Variants in MPPED2 observed in about 807,000 individuals in gnomAD.
MPPED2 encodes the protein metallophosphoesterase MPPED2.
A neutral mutation model predicts 33.0 loss-of-function variants in MPPED2; 5 were observed. That is an observed-to-expected ratio of 0.15 (90% CI 0.08 to 0.32). The LOEUF (loss-of-function observed/expected upper bound fraction) is 0.32, where lower values mean the gene tolerates loss of function less well. Ranked by LOEUF, MPPED2 falls within the 10% of genes least tolerant of loss-of-function variation. The pLI is 1.00. For synonymous variants in MPPED2, 136 were observed against 141.9 expected (o/e 0.96, Z 0.29); for missense variants, 275 against 372.1 (o/e 0.74, Z 2.15).
intron 4 of MPPED2, among the ~76,000 whole-genome samples, chr11:30,470,609 T>C (rs747615094): frequency 6.6e-6 from 1 of 152,198 alleles, no homozygotes. Flanking sequence ...ACATGAATTA[T>C]ATCTCTACAA....
chr11:30,482,943 T>TA (rs1951556284), intron 4 of MPPED2, among the ~76,000 whole-genome samples: 1 of 151,478 alleles, frequency 6.6e-6, no homozygotes, highest in Non-Finnish European at 1.5e-5. Context: ...TAAATACGAA[T>TA]ACCCTCCTTA....
intron 3 of MPPED2, among the ~76,000 whole-genome samples, chr11:30,526,309 C>T (rs1242349679): frequency 6.7e-6 from 1 of 150,164 alleles, no homozygotes; most frequent in Admixed American, 6.7e-5. Context: ...ACGACAAGGA[C>T]AACAATGATG....
At position 30,388,912 on chromosome 11, in the gene MPPED2, A is replaced by AAC. The variant is rs373416159; in HGVS notation, c.809_810dup (p.Ser271ValfsTer20). 1.1e-5 allele frequency: 18 copies of AAC among 1,567,342 alleles called. No individual in the cohort carries two copies. In the African/African-American group the frequency reaches 1.6e-4, roughly 14 times the overall value. ...GACTAGGAAGTTTTTGAAGGCAGAG[A>AAC]ACATATTTTTGTCCTCAGTGCCTTG... On this transcript the variant is annotated frameshift_variant, in exon 7 of 7. Coordinates refer to the MPPED2 transcript ENST00000448418. LOFTEE classifies it low-confidence loss of function (END_TRUNC).
intron 6 of MPPED2, chr11:30,389,100 G>A (rs376651590): frequency 4.0e-6 from 5 of 1,236,448 alleles, no homozygotes; most frequent in African/African-American, 1.5e-5. Context: ...AGGACCAACT[G>A]TGTTAGATTA....
chr11:30,454,574 C>T (rs550026428), intron 4 of MPPED2, among the ~76,000 whole-genome samples: 1 of 151,910 alleles, frequency 6.6e-6, no homozygotes, highest in South Asian at 2.1e-4. Context: ...AAAAAGTTGC[C>T]TGAAATTTGA....
intron 4 of MPPED2, among the ~76,000 whole-genome samples, chr11:30,461,929 T>G (rs1439015141): frequency 6.6e-6 from 1 of 152,218 alleles, no homozygotes; most frequent in African/African-American, 2.4e-5. Flanking sequence ...GAGGCAGAGA[T>G]GCTGGGCACT....
intron 4 of MPPED2, among the ~76,000 whole-genome samples, chr11:30,457,226 G>A (rs1255460489): frequency 6.6e-6 from 1 of 152,094 alleles, no homozygotes; most frequent in Non-Finnish European, 1.5e-5. Context: ...AGAAAAAGTG[G>A]AGACACAATA....
intron 4 of MPPED2, among the ~76,000 whole-genome samples, chr11:30,478,629 T>C (rs958329788): frequency 3.5e-4 from 54 of 152,226 alleles, no homozygotes; most frequent in African/African-American, 1.3e-3. Flanking sequence ...AAACAAATGT[T>C]GTCAGTATCC....
chr11:30,388,952 GT>G lies in MPPED2; in HGVS notation c.770del (p.Asn257ThrfsTer3). The G allele has an allele frequency of 6.4e-7, 1 of 1,561,132 alleles. No individual in the cohort carries two copies. Among genetic ancestry groups the G allele is most frequent in the Admixed American group, 1.9e-5 (1 of 52,152 alleles). On this transcript the variant is annotated frameshift_variant, in exon 7 of 7. Transcript: ENST00000448418. LOFTEE classifies it low-confidence loss of function (END_TRUNC). ...TCAGTGCCTTGGAGATGCTCACAGGGTTTACTAAAGGGGAGAGAGAGAAAGA... is the reference window on the plus strand; with the variant it reads ...TCAGTGCCTTGGAGATGCTCACAGGGTTACTAAAGGGGAGAGAGAGAAAGA...
chr11:30,449,386 C>T (rs754831969), intron 4 of MPPED2, among the ~76,000 whole-genome samples: 10 of 152,326 alleles, frequency 6.6e-5, no homozygotes, highest in Non-Finnish European at 4.4e-5. Flanking sequence ...GTGGCTCACA[C>T]CTGGAATCCC....
intron 3 of MPPED2, among the ~76,000 whole-genome samples, chr11:30,520,355 A>G (rs1953795471): frequency 6.6e-6 from 1 of 152,226 alleles, no homozygotes; most frequent in Non-Finnish European, 1.5e-5. Flanking sequence ...TGGCATTAAC[A>G]CAAATTCCGG....
intron 4 of MPPED2, chr11:30,428,882 T>C (rs1183034735): frequency 1.3e-5 from 2 of 152,224 alleles, no homozygotes; most frequent in East Asian, 3.8e-4. Context: ...TAGATATTAA[T>C]ATCACCAACC....
intron 2 of MPPED2, among the ~76,000 whole-genome samples, chr11:30,559,506 T>A (rs1956140538): frequency 6.6e-6 from 1 of 152,194 alleles, no homozygotes; most frequent in South Asian, 2.1e-4. Context: ...ACTTGCATGA[T>A]GTGTCAATTA....
At chr11:30,569,250 G>A (rs1299091988) in intron 2 of MPPED2, among the ~76,000 whole-genome samples, 4 of 152,040 alleles carry the variant, frequency 2.6e-5, no homozygotes, top group African/African-American at 9.7e-5. Flanking sequence ...TTTCCCTTCC[G>A]AATTCTCAGG....
intron 4 of MPPED2, among the ~76,000 whole-genome samples, chr11:30,436,881 A>G (rs943173022): frequency 1.3e-5 from 2 of 152,180 alleles, no homozygotes; most frequent in African/African-American, 4.8e-5. Flanking sequence ...TATTTTCCAA[A>G]TCAGGCAACT....
intron 6 of MPPED2, among the ~76,000 whole-genome samples, chr11:30,402,368 CTTCT>C (rs1947920436): frequency 6.6e-6 from 1 of 152,136 alleles, no homozygotes; most frequent in South Asian, 2.1e-4. Flanking sequence ...TGAGAAAAGT[CTTCT>C]TTGAGAGTAA....
Position 30,478,053 on chromosome 11 carries a change from C to T in MPPED2, c.536+17243G>A, listed in dbSNP as rs1260269812. ...ATGGGCTGTCTGTCAGAATTTTAGC[C>T]ATATCATGAAACCGTTTTACTAAAC... On this transcript the variant is annotated intron_variant, in intron 4 of 6. Coordinates refer to ENST00000358117, the MANE Select transcript of MPPED2 (RefSeq NM_001584.3). Among the ~76,000 whole-genome samples, 3 of 152,002 alleles carry T rather than the reference C, an allele frequency of 2.0e-5. No homozygotes were observed. In the East Asian group the frequency reaches 5.8e-4, roughly 29 times the overall value.
intron 1 of MPPED2, among the ~76,000 whole-genome samples, chr11:30,580,949 A>T (rs1043944133): frequency 2.0e-5 from 3 of 152,226 alleles, no homozygotes; most frequent in Admixed American, 2.0e-4. Flanking sequence ...GACAGATAAG[A>T]ATTTAAAATG....
At chr11:30,409,996 G>A, downstream of MPPED2, 1 of 652,226 alleles carries the variant, frequency 1.5e-6, no homozygotes, top group Non-Finnish European at 1.9e-6. Flanking sequence ...TGAAACCTAA[G>A]GCAAGACAGA....
Sources: allele counts gnomAD v4.1 joint callset (sites outside exome capture counted in the v4.1 genomes callset), GRCh38; gene constraint gnomAD v4.1.1; transcripts MANE v1.5; gene names NCBI Gene and HGNC (gene_info 2026-07-23, HGNC 2026-07-21).